Variants in NAALADL2 observed in about 807,000 individuals in gnomAD.
The protein encoded by NAALADL2 is inactive N-acetylated-alpha-linked acidic dipeptidase-like protein 2.
In NAALADL2, 76 loss-of-function variants were observed where a neutral mutation model predicts 87.2. The ratio of observed to expected loss-of-function variants is 0.87; its 90% CI spans 0.72 to 1.05. The LOEUF (loss-of-function observed/expected upper bound fraction) is 1.05, where lower values mean the gene tolerates loss of function less well. Among genes scored for constraint, NAALADL2 ranks in the 50% least tolerant of loss-of-function variants. The pLI is 0.00. For missense variants in NAALADL2, 1,089 were observed against 945.8 expected, an observed-to-expected ratio of 1.15 and a Z score of -1.99; for synonymous variants, 354 against 331.0, an observed-to-expected ratio of 1.07 and a Z score of -0.75.
chr3:175,689,360 T>G (rs73881352), intron 11 of NAALADL2, among the ~76,000 whole-genome samples: 7,725 of 152,108 alleles, frequency 0.051, 689 homozygotes, highest in African/African-American at 0.18. Context: ...TTTTAAAATA[T>G]GAAAGTAGAG....
chr3:174,936,247 T>C (rs1479104156), intron 1 of NAALADL2, among the ~76,000 whole-genome samples: 1 of 152,110 alleles, frequency 6.6e-6, no homozygotes, highest in Non-Finnish European at 1.5e-5. Flanking sequence ...GAAATGACTT[T>C]AGTTTTAAAA....
At chr3:174,676,895 A>G (rs1490314624) in intron 2 of NAALADL2, among the ~76,000 whole-genome samples, 1 of 151,994 alleles carries the variant, frequency 6.6e-6, no homozygotes, top group Non-Finnish European at 1.5e-5. Context: ...AATGAACTGA[A>G]TTTAATAATT....
At chr3:175,366,113 G>GT (rs1765532803) in intron 5 of NAALADL2, among the ~76,000 whole-genome samples, 1 of 132,568 alleles carries the variant, frequency 7.5e-6, no homozygotes, top group African/African-American at 2.8e-5. Flanking sequence ...GCAGTGTTTG[G>GT]TTTTTTGTCC....
intron 1 of NAALADL2, among the ~76,000 whole-genome samples, chr3:174,936,341 T>TATA (rs201168859): frequency 1.2e-4 from 19 of 152,048 alleles, no homozygotes; most frequent in African/African-American, 2.4e-4. Context: ...TTATTTCTTA[T>TATA]ATAATAATAA....
At chr3:175,660,210 G>C (rs1019824822) in intron 11 of NAALADL2, among the ~76,000 whole-genome samples, 1 of 152,060 alleles carries the variant, frequency 6.6e-6, no homozygotes, top group African/African-American at 2.4e-5. Flanking sequence ...TATTAAATCA[G>C]AGATTAGGTT....
intron 3 of NAALADL2, among the ~76,000 whole-genome samples, chr3:174,761,367 TTAAAA>T (rs1196197431): frequency 6.6e-6 from 1 of 152,100 alleles, no homozygotes; most frequent in African/African-American, 2.4e-5. Context: ...GAAAGCTATT[TTAAAA>T]TAAAGTCTTA....
At chr3:175,685,992 C>A (rs1398786990) in intron 11 of NAALADL2, among the ~76,000 whole-genome samples, 3 of 152,148 alleles carry the variant, frequency 2.0e-5, no homozygotes, top group African/African-American at 4.8e-5. Context: ...GCAAACTAAC[C>A]ATCACAATGT....
chr3:174,561,315 T>G (rs1383435199), intron 2 of NAALADL2, among the ~76,000 whole-genome samples: 2 of 151,266 alleles, frequency 1.3e-5, no homozygotes, highest in African/African-American at 4.9e-5. Flanking sequence ...TTCTCCTATC[T>G]CAGCCCTCCG....
At chr3:174,914,153 C>A (rs2108315652) in intron 1 of NAALADL2, among the ~76,000 whole-genome samples, 1 of 149,642 alleles carries the variant, frequency 6.7e-6, no homozygotes, top group East Asian at 2.0e-4. Context: ...ACCTCTGCCT[C>A]CAGTGTTCAA....
chr3:174,811,447 T>A (rs745447101), intron 3 of NAALADL2, among the ~76,000 whole-genome samples: 2 of 152,150 alleles, frequency 1.3e-5, no homozygotes, highest in Non-Finnish European at 2.9e-5. Flanking sequence ...GGGGATTGTT[T>A]TGGAACTTTA....
At chr3:174,814,316 C>T (rs1720549947) in intron 3 of NAALADL2, among the ~76,000 whole-genome samples, 2 of 151,924 alleles carry the variant, frequency 1.3e-5, no homozygotes, top group Admixed American at 1.3e-4. Flanking sequence ...ACCTTGTTAG[C>T]CAGGATGGTC....
At chr3:174,847,305 G>T (rs1371380290) in intron 3 of NAALADL2, among the ~76,000 whole-genome samples, 1 of 151,996 alleles carries the variant, frequency 6.6e-6, no homozygotes, top group Non-Finnish European at 1.5e-5. Flanking sequence ...GGATTTCTTG[G>T]CCACAACCAA....
intron 1 of NAALADL2, among the ~76,000 whole-genome samples, chr3:174,528,194 AT>A (rs1039922972): frequency 1.1e-4 from 16 of 152,158 alleles, no homozygotes; most frequent in Admixed American, 9.8e-4. Context: ...TCTCCTCTAG[AT>A]TTAATCAAAG....
At chr3:175,447,480 G>A in intron 6 of NAALADL2, 108 bp downstream of exon 6, 1 of 701,814 alleles carries the variant, frequency 1.4e-6, no homozygotes, top group Non-Finnish European at 2.1e-6. Flanking sequence ...CAAAAACATT[G>A]ACTTTTGATG....
intron 2 of NAALADL2, among the ~76,000 whole-genome samples, chr3:174,644,808 G>T (rs1723612879): frequency 1.3e-5 from 2 of 152,172 alleles, no homozygotes; most frequent in Admixed American, 6.5e-5. Flanking sequence ...CAAATTGCAT[G>T]CCTGCAAAAA....
chr3:175,251,957 A>G (rs1267382059), intron 3 of NAALADL2, among the ~76,000 whole-genome samples: 1 of 152,248 alleles, frequency 6.6e-6, no homozygotes, highest in Non-Finnish European at 1.5e-5. Context: ...AAAACTACAA[A>G]TCCTCTTACA....
chr3:175,507,122 C>T (rs1259153733), intron 9 of NAALADL2, among the ~76,000 whole-genome samples: 2 of 151,678 alleles, frequency 1.3e-5, no homozygotes, highest in Non-Finnish European at 2.9e-5. Context: ...AAAAACCACT[C>T]AACACAAAAG....
At chr3:175,570,456 AT>A (rs530722215) in intron 9 of NAALADL2, among the ~76,000 whole-genome samples, 2 of 152,146 alleles carry the variant, frequency 1.3e-5, no homozygotes, top group Non-Finnish European at 2.9e-5. Context: ...GCAAGAAATC[AT>A]TTTTTTAACA....
At chr3:174,515,612 G>A (rs1719894323) in intron 1 of NAALADL2, among the ~76,000 whole-genome samples, 1 of 151,054 alleles carries the variant, frequency 6.6e-6, no homozygotes, top group Non-Finnish European at 1.5e-5. Flanking sequence ...GTGTGATCAA[G>A]TTTTATAGAA....
Sources: gnomAD v4.1 joint callset for allele counts (sites outside exome capture counted in the v4.1 genomes callset) on GRCh38, gnomAD v4.1.1 for gene constraint, MANE v1.5 for transcripts, NCBI Gene and HGNC (gene_info 2026-07-23, HGNC 2026-07-21) for gene names.